Variants in ZDHHC8 observed in about 807,000 individuals in gnomAD.
The protein encoded by ZDHHC8 is palmitoyltransferase ZDHHC8.
A neutral mutation model predicts 61.2 loss-of-function variants in ZDHHC8; 24 were observed. The ratio of observed to expected loss-of-function variants is 0.39; its 90% CI spans 0.28 to 0.55. The LOEUF is 0.55. Among genes scored for constraint, ZDHHC8 ranks in the 20% least tolerant of loss-of-function variants. The pLI is 0.60. For missense variants in ZDHHC8, 935 were observed against 1,102.1 expected (o/e 0.85, Z 2.15); for synonymous variants, 523 against 492.5 (o/e 1.06, Z -0.82).
intron 9 of ZDHHC8, among the ~76,000 whole-genome samples, 186 bp from the exon 10 acceptor site, chr22:20,142,570 T>C (rs2050479531): frequency 6.6e-6 from 1 of 152,144 alleles, no homozygotes; most frequent in Non-Finnish European, 1.5e-5. Context: ...TCCCTCCTGT[T>C]GCAGAGCCCC....
At chr22:20,142,702 C>A in intron 9 of ZDHHC8, 54 bp from the exon 10 acceptor site, 2 of 1,604,866 alleles carry the variant, frequency 1.2e-6, no homozygotes, top group East Asian at 2.2e-5. Flanking sequence ...TGCTGACTGG[C>A]GGCTGCAGGC....
intron 3 of ZDHHC8, 40 bp from the exon 4 acceptor site, chr22:20,139,680 C>G (rs1372504998): frequency 6.2e-7 from 1 of 1,611,152 alleles, no homozygotes; most frequent in South Asian, 1.1e-5. Flanking sequence ...TGTGCCACAT[C>G]CCTGCCTGCC....
Position 20,147,319 on chromosome 22 carries a change from T to TG in ZDHHC8, c.*1924dup. ...ACTGCAGTGGACCCTGGGGCAGGGC[T>TG]GGGGGTGGGCTGGGCTCTCTGCTCC... On this transcript the variant is annotated 3_prime_UTR_variant, in exon 11 of 11. Transcript: ENST00000334554. 1 of 1,302,924 alleles carries TG rather than the reference T, an allele frequency of 7.7e-7. No individual in the cohort carries two copies. The highest frequency in any genetic ancestry group is 1.0e-6 in the Non-Finnish European group (1 of 994,804). 80.7% of individuals were successfully genotyped at this position (1,302,924 alleles called of 1,614,324 possible). A position where few individuals can be genotyped will look rare whatever the true frequency, so the allele number is the denominator to read the frequency against.
At position 20,143,049 on chromosome 22, in the gene ZDHHC8, C is replaced by T; in HGVS notation, c.1419C>T (p.Arg473=). The change falls in exon 10 of 11, where the codon CGC becomes CGT. Residue 473 remains arginine (R), a synonymous_variant. Transcript: ENST00000334554. ...TTGCCCCCCATGCACTGCCCAACCG[C>T]AACGGCAGCCTGTCCTATGACAGCC... ...SIFAPHALPN[R]NGSLSYDSLL... The T allele has an allele frequency of 2.5e-6, 4 of 1,612,492 alleles. No homozygotes were observed. The highest frequency in any genetic ancestry group is 1.3e-5 in the African/African-American group (1 of 75,042).
chr22:20,141,518 A>C lies in ZDHHC8; in HGVS notation c.1113A>C (p.Gly371=). The part of the protein sequence containing the change: ...FPTGPKVPFC[G]PGEQVPGPDS... ...CGGGTCCCAAGGTGCCCTTCTGTGG[A>C]CCAGGCGAGCAGGTAAGGAGGCCTA... is the stretch of plus-strand genomic sequence containing the variant. Residue 371 remains glycine, a synonymous_variant, in exon 9 of 11, where the codon GGA becomes GGC. Coordinates refer to ENST00000334554, the MANE Select transcript of ZDHHC8 (RefSeq NM_013373.4). 1.2e-6 allele frequency: 2 copies of C among 1,612,012 alleles called. No individual in the cohort carries two copies. Among genetic ancestry groups the C allele is most frequent in the South Asian group, 2.2e-5 (2 of 90,806 alleles).
intron 1 of ZDHHC8, among the ~76,000 whole-genome samples, chr22:20,135,400 C>A (rs968327202): frequency 4.6e-5 from 7 of 152,226 alleles, no homozygotes; most frequent in African/African-American, 1.7e-4. Context: ...AGCCACATTG[C>A]AGAATGACAG....
At position 20,142,329 on chromosome 22, in the gene ZDHHC8, G is replaced by T. The variant is rs564468221; in HGVS notation, c.1126-427G>T. On this transcript the variant is annotated intron_variant, in intron 9 of 10. Coordinates refer to ENST00000334554, the MANE Select transcript of ZDHHC8 (RefSeq NM_013373.4). ...CCTGGGACTCCTGGGTCCAGTGGGG[G>T]ATTGGGTCTGGTTGGCCAAGTGCAT... 4.6e-5 allele frequency among the ~76,000 whole-genome samples: 7 copies of T among 152,330 alleles called. No homozygotes were observed. The South Asian group carries it at 1.2e-3, about 27-fold the overall frequency.
Position 20,146,623 on chromosome 22 carries a change from AAG to A in ZDHHC8, c.*1226_*1227del. 5.0e-6 allele frequency: 5 copies of A among 1,001,206 alleles called. No homozygotes were observed. In the South Asian group the frequency reaches 1.9e-4, roughly 37 times the overall value. The allele number at this position is 1,001,206 out of a possible 1,614,324, so 62.0% of individuals were successfully genotyped here. A position where few individuals can be genotyped will look rare whatever the true frequency, so the allele number is the denominator to read the frequency against. On this transcript the variant is annotated 3_prime_UTR_variant, in exon 11 of 11. Transcript: ENST00000334554. ...ACTTGGGCTGAGTCAGAGGCTTGGG[AAG>A]AGGGGGCGGCCGATGGTCTGTGGCT...
Position 20,139,652 on chromosome 22 carries a change from C to G in ZDHHC8, c.384+17C>G. The G allele has an allele frequency of 6.2e-7, 1 of 1,611,650 alleles. No homozygotes were observed. Among genetic ancestry groups the G allele is most frequent in the Admixed American group, 1.7e-5 (1 of 60,014 alleles). On this transcript the variant is annotated intron_variant, in intron 3 of 10. Coordinates refer to ENST00000334554, the MANE Select transcript of ZDHHC8 (RefSeq NM_013373.4). Reference sequence around the variant, plus strand: ...TGTGTAGAGGTGACCGCCCTGCTGCCCCGCGCTCCCCCAGCCCTGTGCCAC... The same window carrying G: ...TGTGTAGAGGTGACCGCCCTGCTGCGCCGCGCTCCCCCAGCCCTGTGCCAC...
intron 1 of ZDHHC8, among the ~76,000 whole-genome samples, chr22:20,133,761 T>C (rs1403818532): frequency 6.6e-6 from 1 of 150,786 alleles, no homozygotes; most frequent in Non-Finnish European, 1.5e-5. Context: ...TATGGGGAAC[T>C]TGTGAAATAC....
At chr22:20,132,373 G>A (rs1033076925) in intron 1 of ZDHHC8, among the ~76,000 whole-genome samples, 1 of 152,232 alleles carries the variant, frequency 6.6e-6, no homozygotes, top group African/African-American at 2.4e-5. Flanking sequence ...GGGTGTGGCT[G>A]CAGCCCTTCC....
At chr22:20,133,748 C>T (rs921927114) in intron 1 of ZDHHC8, among the ~76,000 whole-genome samples, 7 of 149,412 alleles carry the variant, frequency 4.7e-5, no homozygotes, top group African/African-American at 7.4e-5. Flanking sequence ...AAAGTATGTT[C>T]TTTATGGGGA....
At chr22:20,140,088 C>A (rs1326501821) in intron 4 of ZDHHC8, 27 bp from the exon 5 acceptor site, 1 of 1,611,344 alleles carries the variant, frequency 6.2e-7, no homozygotes, top group Non-Finnish European at 8.5e-7. Context: ...GGTGTCCTGG[C>A]CTGCACCGTT....
Position 20,146,519 on chromosome 22 carries a change from A to C in ZDHHC8, c.*1119A>C. On this transcript the variant is annotated 3_prime_UTR_variant, in exon 11 of 11. Coordinates refer to ENST00000334554, the MANE Select transcript of ZDHHC8 (RefSeq NM_013373.4). ...GCAGGATCCCGAGTTAGGGGAGGGCAGGGGCCGGGCCCCAGAAGAGGGAGT... is the reference window on the plus strand; with the variant it reads ...GCAGGATCCCGAGTTAGGGGAGGGCCGGGGCCGGGCCCCAGAAGAGGGAGT... 2 of 989,072 alleles carry C rather than the reference A, an allele frequency of 2.0e-6. No individual in the cohort carries two copies. The highest frequency in any genetic ancestry group is 2.4e-6 in the Non-Finnish European group (2 of 832,608). The allele number at this position is 989,072 out of a possible 1,614,324, so 61.3% of individuals were successfully genotyped here. A position where few individuals can be genotyped will look rare whatever the true frequency, so the allele number is the denominator to read the frequency against.
intron 6 of ZDHHC8, 81 bp downstream of exon 6, chr22:20,140,789 G>C: frequency 6.3e-7 from 1 of 1,595,510 alleles, no homozygotes. Flanking sequence ...TGGTCCGTTT[G>C]GCTCTTGCCA....
chr22:20,140,510 C>T, intron 5 of ZDHHC8, 107 bp from the exon 6 acceptor site: 1 of 1,223,300 alleles, frequency 8.2e-7, no homozygotes. Flanking sequence ...TAAGCCACTT[C>T]CCGCAAGTAT....
chr22:20,132,910 C>T (rs140547415), intron 1 of ZDHHC8, among the ~76,000 whole-genome samples: 118 of 152,344 alleles, frequency 7.7e-4, no homozygotes, highest in African/African-American at 2.7e-3. Context: ...GATCTTCAAC[C>T]ACCCACCCCC....
At chr22:20,138,833 T>C (rs1010620983) in intron 1 of ZDHHC8, among the ~76,000 whole-genome samples, 1 of 152,090 alleles carries the variant, frequency 6.6e-6, no homozygotes, top group East Asian at 1.9e-4. Context: ...GCATTTTCCA[T>C]CTGGGGCTCC....
In ZDHHC8 at chr22:20,142,818, C is replaced by G. The variant is rs140056877; in HGVS notation, c.1188C>G (p.Ser396=). Residue 396 remains serine (S), a synonymous_variant, in exon 10 of 11, where the codon TCC becomes TCG. Coordinates refer to ENST00000334554, the MANE Select transcript of ZDHHC8 (RefSeq NM_013373.4). ...DDSIRSLDFV[S]EPSLDLPDYG... is the part of the protein sequence containing the mutation. Reference sequence around the variant, plus strand: ...GCATCCGTAGCCTGGACTTTGTGTCCGAGCCGAGCCTGGACCTCCCTGACT... The same window carrying G: ...GCATCCGTAGCCTGGACTTTGTGTCGGAGCCGAGCCTGGACCTCCCTGACT... 5.0e-6 allele frequency: 8 copies of G among 1,612,426 alleles called. No homozygotes were observed. The South Asian group carries it at 5.5e-5, about 11-fold the overall frequency.
Sources: allele counts gnomAD v4.1 joint callset (sites outside exome capture counted in the v4.1 genomes callset), GRCh38; gene constraint gnomAD v4.1.1; transcripts MANE v1.5; gene names NCBI Gene and HGNC (gene_info 2026-07-23, HGNC 2026-07-21).